The following TMEM132D variants were observed in gnomAD, a reference collection of about 807,000 sequenced individuals.
TMEM132D encodes the protein transmembrane protein 132D, also known as mature OL transmembrane protein.
TMEM132D carries 21 observed loss-of-function variants against 62.3 expected under a neutral mutation model. The observed-to-expected ratio is 0.34, with a 90% confidence interval of 0.24 to 0.49. TMEM132D has a LOEUF of 0.49. Among genes scored for constraint, TMEM132D ranks in the 20% least tolerant of loss-of-function variants. TMEM132D has a pLI of 0.99. For synonymous variants in TMEM132D, 621 were observed against 575.6 expected (o/e 1.08, Z -1.13); for missense variants, 1,346 against 1,402.8 (o/e 0.96, Z 0.65).
Position 129,903,564 on chromosome 12 carries a change from G to A in TMEM132D, c.-225C>T, listed in dbSNP as rs1312239755. The stretch of plus-strand genomic sequence containing the variant: ...AGTTGCTCTCCGGAGTCCAACACGC[G>A]CGCAGGCAAACCCCACCTCCCTCCT... On this transcript the variant is annotated 5_prime_UTR_variant, in exon 1 of 9. Coordinates refer to ENST00000422113, the MANE Select transcript of TMEM132D (RefSeq NM_133448.3). This position sits in a 1 kb window ranked among gnomAD's most constrained non-coding sequence, Gnocchi z 6.2. The A allele has an allele frequency of 2.1e-5, 12 of 567,706 alleles. No homozygotes were observed. Among genetic ancestry groups the A allele is most frequent in the Non-Finnish European group, 3.8e-5 (12 of 318,920 alleles). 35.2% of individuals were successfully genotyped at this position (567,706 alleles called of 1,614,324 possible). A position where few individuals can be genotyped will look rare whatever the true frequency, so the allele number is the denominator to read the frequency against.
intron 1 of TMEM132D, among the ~76,000 whole-genome samples, chr12:129,826,345 C>T (rs1036602135): frequency 5.9e-5 from 9 of 152,104 alleles, no homozygotes; most frequent in African/African-American, 2.2e-4. Context: ...CTAGAGGTGT[C>T]GTAGGGTTTT....
At chr12:129,252,249 A>G (rs1415051377) in intron 4 of TMEM132D, among the ~76,000 whole-genome samples, 3 of 152,228 alleles carry the variant, frequency 2.0e-5, no homozygotes, top group East Asian at 1.9e-4. Flanking sequence ...TCTCAGCCCA[A>G]TAAAGAAGGA....
intron 2 of TMEM132D, among the ~76,000 whole-genome samples, chr12:129,583,473 G>A (rs1877935921): frequency 2.0e-5 from 3 of 152,322 alleles, no homozygotes; most frequent in South Asian, 4.2e-4. Context: ...ACCACAATGG[G>A]TGACGTTGAC....
intron 2 of TMEM132D, among the ~76,000 whole-genome samples, chr12:129,557,630 T>C (rs1877101324): frequency 6.6e-6 from 1 of 152,182 alleles, no homozygotes; most frequent in African/African-American, 2.4e-5. Flanking sequence ...ACAGGAGGAC[T>C]GCCTGAGCCT....
chr12:129,788,382 T>C (rs1187043932), intron 1 of TMEM132D, among the ~76,000 whole-genome samples: 1 of 152,274 alleles, frequency 6.6e-6, no homozygotes, highest in African/African-American at 2.4e-5. Context: ...TTCAAATGCA[T>C]ATTGTTTAGT....
chr12:129,137,314 C>A (rs1876612483), intron 5 of TMEM132D, among the ~76,000 whole-genome samples: 1 of 152,132 alleles, frequency 6.6e-6, no homozygotes, highest in Non-Finnish European at 1.5e-5. Context: ...CCATCACCAT[C>A]ATCATCATCA....
rs148598866 is a variant in TMEM132D, at chr12:129,380,647, C to G, written c.1116-42830G>C. 2.8e-3 allele frequency among the ~76,000 whole-genome samples: 420 copies of G among 152,126 alleles called. 4 individuals carry two copies. The highest frequency in any genetic ancestry group is 9.5e-3 in the African/African-American group (393 of 41,512). The stretch of plus-strand genomic sequence containing the variant: ...TGGTTTGTGTCTCCATCACCACAGT[C>G]GAGACACTTGGCAGTTCTATCCCCA... On this transcript the variant is annotated intron_variant, in intron 3 of 8. Coordinates refer to ENST00000422113, the MANE Select transcript of TMEM132D (RefSeq NM_133448.3).
intron 2 of TMEM132D, among the ~76,000 whole-genome samples, chr12:129,593,833 T>C (rs1458788773): frequency 9.2e-6 from 1 of 108,488 alleles, no homozygotes; most frequent in East Asian, 2.3e-4. Context: ...CCTCTTGACA[T>C]GTATTTTTTT....
chr12:129,759,392 G>A (rs1201595478), intron 1 of TMEM132D, among the ~76,000 whole-genome samples: 2 of 152,062 alleles, frequency 1.3e-5, no homozygotes, highest in Non-Finnish European at 2.9e-5. Flanking sequence ...GAGAGAAATC[G>A]GCTCTAAGAT....
intron 2 of TMEM132D, among the ~76,000 whole-genome samples, chr12:129,572,431 G>C (rs200726147): frequency 2.7e-5 from 4 of 150,744 alleles, no homozygotes; most frequent in Admixed American, 6.6e-5. Context: ...CAGAGGGTCT[G>C]TTTCTTTCTT....
intron 2 of TMEM132D, among the ~76,000 whole-genome samples, chr12:129,585,609 C>T (rs1216509458): frequency 1.3e-5 from 2 of 152,158 alleles, no homozygotes; most frequent in African/African-American, 2.4e-5. Context: ...GATTTGCTGA[C>T]ATGGATTTCC....
At chr12:129,281,945 T>C (rs141760223) in intron 4 of TMEM132D, among the ~76,000 whole-genome samples, 216 of 152,310 alleles carry the variant, frequency 1.4e-3, no homozygotes, top group African/African-American at 5.0e-3. Context: ...CAGCCCTCCC[T>C]GTGGGGTTGG....
At chr12:129,548,741 C>T (rs1486249039) in intron 2 of TMEM132D, among the ~76,000 whole-genome samples, 1 of 152,176 alleles carries the variant, frequency 6.6e-6, no homozygotes, top group East Asian at 1.9e-4. Flanking sequence ...AATCCTACCA[C>T]CCCCTTCCAA....
chr12:129,439,156 GGAATTACT>G (rs1252277843), intron 3 of TMEM132D, among the ~76,000 whole-genome samples: 1 of 152,148 alleles, frequency 6.6e-6, no homozygotes, highest in East Asian at 1.9e-4. Context: ...TGGGACATTG[GGAATTACT>G]GAATAAATGA....
At chr12:129,203,118 T>C (rs1446835480) in intron 5 of TMEM132D, among the ~76,000 whole-genome samples, 1 of 152,160 alleles carries the variant, frequency 6.6e-6, no homozygotes, top group Non-Finnish European at 1.5e-5. Context: ...TATCAATCGC[T>C]GAGTGTCAGC....
intron 1 of TMEM132D, among the ~76,000 whole-genome samples, chr12:129,790,199 G>C (rs1871364362): frequency 6.6e-6 from 1 of 152,158 alleles, no homozygotes; most frequent in Non-Finnish European, 1.5e-5. Context: ...AGCATCTAGG[G>C]GGATGCCCAC....
intron 1 of TMEM132D, among the ~76,000 whole-genome samples, chr12:129,740,707 G>C (rs1000550467): frequency 1.3e-5 from 2 of 151,976 alleles, no homozygotes; most frequent in Non-Finnish European, 1.5e-5. Context: ...ATTATTTTCT[G>C]GTTTGTGCTA....
At chr12:129,632,515 C>T (rs1185513929) in intron 2 of TMEM132D, among the ~76,000 whole-genome samples, 3 of 152,040 alleles carry the variant, frequency 2.0e-5, no homozygotes, top group Non-Finnish European at 4.4e-5. Flanking sequence ...AAAATGGATC[C>T]GACCTCCCCA....
rs116766966 is a variant in TMEM132D at position 129,503,111 on chromosome 12, C to A, written c.1115+27948G>T. On this transcript the variant is annotated intron_variant, in intron 3 of 8. Coordinates refer to ENST00000422113, the MANE Select transcript of TMEM132D (RefSeq NM_133448.3). ...TAAAAGTCATAGATGCTCAGTACTG[C>A]AGAAAATTTATAACCTCGCAGTAAG... 6.7e-3 allele frequency among the ~76,000 whole-genome samples: 1,017 copies of A among 152,290 alleles called. 9 individuals carry two copies. Among genetic ancestry groups the A allele is most frequent in the African/African-American group, 0.023 (941 of 41,546 alleles).
Sources: allele counts gnomAD v4.1 joint callset (sites outside exome capture counted in the v4.1 genomes callset), GRCh38; gene constraint gnomAD v4.1.1; non-coding constraint Gnocchi (gnomAD v3.1); transcripts MANE v1.5; gene names NCBI Gene and HGNC (gene_info 2026-07-23, HGNC 2026-07-21).